MUC4: variants seen among roughly 807,000 people sequenced by gnomAD.
MUC4 encodes the protein mucin 4, cell surface associated, also known as mucin-4.
In MUC4, 202 loss-of-function variants were observed where a neutral mutation model predicts 257.9. The observed-to-expected ratio is 0.78, with a 90% confidence interval of 0.70 to 0.88. MUC4 has a LOEUF of 0.88. Ranked by LOEUF, MUC4 falls within the 40% of genes least tolerant of loss-of-function variation. The pLI is 0.00. For missense variants in MUC4, 5,976 were observed against 6,513.7 expected, an observed-to-expected ratio of 0.92 and a Z score of 2.84; for synonymous variants, 2,351 against 2,757.1, an observed-to-expected ratio of 0.85 and a Z score of 4.62.
At position 195,783,222 on chromosome 3, in the gene MUC4, A is replaced by G. The variant is rs1560340791; in HGVS notation, c.8358T>C (p.His2786=). 7.3e-7 allele frequency: 1 copy of G among 1,378,006 alleles called. No individual in the cohort carries two copies. The highest frequency in any genetic ancestry group is 1.6e-5 in the African/African-American group (1 of 64,212). The allele number at this position is 1,378,006 out of a possible 1,614,324, so 85.4% of individuals were successfully genotyped here. Residue 2786 remains histidine (H), a synonymous_variant, in exon 2 of 25, where the codon CAT becomes CAC. Transcript: ENST00000463781. ...SVSTGHATPL[H]VTSPSSASTG... Reference sequence around the variant, plus strand: ...TGGATGCTGAGGAAGGGCTGGTGACATGAAGAGGGGTGGCGTGACCTGTGG... The same window carrying G: ...TGGATGCTGAGGAAGGGCTGGTGACGTGAAGAGGGGTGGCGTGACCTGTGG...
intron 1 of MUC4, among the ~76,000 whole-genome samples, chr3:195,800,549 C>T (rs548409564): frequency 4.6e-4 from 70 of 152,220 alleles, no homozygotes; most frequent in South Asian, 1.2e-3. Context: ...TTGTCTTTCA[C>T]CATCATTTAA....
At position 195,755,996 on chromosome 3, in the gene MUC4, C is replaced by A. The variant is rs759427631; in HGVS notation, c.15168+1151G>T. ...ATAAAAAAGCAGATAGGACAAGAGTCGTGGAATTAGGCCAAGTATCTTGGC... is the reference window on the plus strand; with the variant it reads ...ATAAAAAAGCAGATAGGACAAGAGTAGTGGAATTAGGCCAAGTATCTTGGC... On this transcript the variant is annotated intron_variant, in intron 18 of 24. Transcript: ENST00000463781. This position sits in a 1 kb window ranked among gnomAD's most constrained non-coding sequence, Gnocchi z 5.0. Among the ~76,000 whole-genome samples, 5 of 152,104 alleles carry A rather than the reference C, an allele frequency of 3.3e-5. No individual in the cohort carries two copies. The highest frequency in any genetic ancestry group is 5.9e-5 in the Non-Finnish European group (4 of 68,030).
intron 3 of MUC4, among the ~76,000 whole-genome samples, chr3:195,774,607 A>C (rs904295345): frequency 2.0e-5 from 3 of 152,194 alleles, no homozygotes; most frequent in Admixed American, 1.3e-4. Context: ...CAGGGTTAAA[A>C]GACAAAAGTC....
intron 16 of MUC4, 70 bp downstream of exon 16, chr3:195,760,814 G>C: frequency 7.8e-7 from 1 of 1,274,822 alleles, no homozygotes; most frequent in Non-Finnish European, 1.1e-6. Context: ...GGAAAAGCAG[G>C]GTCAGGCAAG....
intron 16 of MUC4, 87 bp from the exon 17 acceptor site, chr3:195,759,348 T>A: frequency 6.5e-7 from 1 of 1,526,762 alleles, no homozygotes; most frequent in Non-Finnish European, 8.9e-7. Flanking sequence ...CTAATATGTG[T>A]GAGGCATTCC....
rs201826718 is a variant in MUC4, at chr3:195,780,980, C to A, written c.10600G>T (p.Ala3534Ser). ...TDTSSVSTGH[A>S]TPLPVTSLSS... ...AGGCTGGTGACAGGAAGAGGCGTGGCGTGACCGGTGGATACTGAGGAAGTG... is the reference window on the plus strand; with the variant it reads ...AGGCTGGTGACAGGAAGAGGCGTGGAGTGACCGGTGGATACTGAGGAAGTG... The change falls in exon 2 of 25, where the codon GCC becomes TCC. Residue 3534 changes from alanine to serine, a missense_variant. By Grantham distance (99) the Ala-to-Ser change is moderately conservative. Around this residue, in one of 44 missense-constraint regions of MUC4, gnomAD observed 297 missense variants for 240.9 expected, o/e 1.23. Transcript: ENST00000463781. The A allele has an allele frequency of 5.1e-5, 75 of 1,465,116 alleles. 10 individuals are homozygous for A. In the African/African-American group the frequency reaches 1.2e-3, roughly 23 times the overall value. The allele number at this position is 1,465,116 out of a possible 1,614,324, so 90.8% of individuals were successfully genotyped here.
intron 1 of MUC4, among the ~76,000 whole-genome samples, chr3:195,808,071 G>A (rs1022448645): frequency 6.6e-6 from 1 of 152,208 alleles, no homozygotes; most frequent in Non-Finnish European, 1.5e-5. Flanking sequence ...GCCAGCCCTT[G>A]CAAACCCACA....
rs1722595283 is a variant in MUC4 at position 195,770,651 on chromosome 3, A to T, written c.13243-280T>A. ...CATCTTAGCTCAAACTGGCCCAGAG[A>T]GCAGAGCCACTCGGGCCCACTTTTA... On this transcript the variant is annotated intron_variant, in intron 5 of 24. Coordinates refer to ENST00000463781, the MANE Select transcript of MUC4 (RefSeq NM_018406.7). 7.6e-6 allele frequency: 4 copies of T among 526,214 alleles called. No homozygotes were observed. The East Asian group carries it at 1.0e-4, about 13-fold the overall frequency. 32.6% of individuals were successfully genotyped at this position (526,214 alleles called of 1,614,324 possible).
At chr3:195,760,257 T>C (rs548313855) in intron 16 of MUC4, among the ~76,000 whole-genome samples, 1 of 152,276 alleles carries the variant, frequency 6.6e-6, no homozygotes, top group South Asian at 2.1e-4. Flanking sequence ...GAATGTGACA[T>C]TTTAGACAGG....
intron 6 of MUC4, 129 bp downstream of exon 6, chr3:195,770,087 G>C (rs1347118885): frequency 2.0e-6 from 2 of 989,646 alleles, no homozygotes; most frequent in Non-Finnish European, 2.8e-6. Flanking sequence ...GGGTGGCGGT[G>C]GGGGGGCTTG....
intron 24 of MUC4, 49 bp downstream of exon 24, chr3:195,748,853 T>C (rs1352826586): frequency 6.7e-7 from 1 of 1,496,010 alleles, no homozygotes; most frequent in Non-Finnish European, 8.9e-7. Context: ...CTTGCCCAGC[T>C]TGGGTTCCCC....
chr3:195,753,642 A>C (rs182167501), intron 19 of MUC4: 943 of 252,862 alleles, frequency 3.7e-3, no homozygotes, highest in Non-Finnish European at 5.4e-3. Context: ...TGGGTGCCTT[A>C]GGGGGCTTGG....
intron 1 of MUC4, among the ~76,000 whole-genome samples, chr3:195,793,464 T>G (rs984122893): frequency 1.3e-5 from 2 of 151,836 alleles, no homozygotes; most frequent in Admixed American, 1.3e-4. Context: ...ATCATGCCAC[T>G]TCACTGCAGC....
At chr3:195,793,943 A>T (rs1029737825) in intron 1 of MUC4, among the ~76,000 whole-genome samples, 29 of 152,016 alleles carry the variant, frequency 1.9e-4, no homozygotes, top group African/African-American at 6.5e-4. Context: ...TTTAAAAAAA[A>T]ATTATTTCCC....
At position 195,786,953 on chromosome 3, in the gene MUC4, A is replaced by G; in HGVS notation, c.4627T>C (p.Ser1543Pro). Reference protein sequence around the residue: ...DTMPLPVTSPSSASTGDTTPL... With the variant: ...DTMPLPVTSPPSASTGDTTPL... ...GTGGTGTCACCTGTGGATGCTGAGG[A>G]AGGGCTAGTGACAGGAAGAGGCATG... Residue 1543 changes from serine (S) to proline (P), a missense_variant, in exon 2 of 25, where the codon TCC becomes CCC. By Grantham distance (74) the Ser-to-Pro change is moderately conservative. Coordinates refer to ENST00000463781, the MANE Select transcript of MUC4 (RefSeq NM_018406.7). 1.1e-6 allele frequency: 1 copy of G among 942,898 alleles called. No homozygotes were observed. Among genetic ancestry groups the G allele is most frequent in the East Asian group, 7.5e-5 (1 of 13,402 alleles). 58.4% of individuals were successfully genotyped at this position (942,898 alleles called of 1,614,324 possible).
Position 195,810,145 on chromosome 3 carries a change from G to C in MUC4, c.82+1591C>G, listed in dbSNP as rs1319985571. The C allele has an allele frequency of 6.6e-6, 1 of 152,402 alleles. No individual in the cohort carries two copies. Among genetic ancestry groups the C allele is most frequent in the Non-Finnish European group, 1.5e-5 (1 of 68,180 alleles). 9.4% of individuals were successfully genotyped at this position (152,402 alleles called of 1,614,324 possible). On this transcript the variant is annotated intron_variant, in intron 1 of 24. Transcript: ENST00000463781. The surrounding 1 kb of genome is among the most constrained non-coding windows in gnomAD (Gnocchi z 4.2). ...GGGTGCTGGAGGGTGGGGAGGTGTA[G>C]GGAGGTGGTGGCAGTTTCCTTTGCC...
chr3:195,761,614 C>T (rs772368644), intron 14 of MUC4, 29 bp from the exon 15 acceptor site: 53 of 1,554,566 alleles, frequency 3.4e-5, no homozygotes, highest in Middle Eastern at 1.7e-4. Flanking sequence ...GGTTGGCCAC[C>T]CTGGGCACGC....
chr3:195,802,645 C>T (rs1735494012), intron 1 of MUC4, among the ~76,000 whole-genome samples: 1 of 152,084 alleles, frequency 6.6e-6, no homozygotes, highest in Admixed American at 6.6e-5. Flanking sequence ...ACACGGATGT[C>T]AGAAACCAGA....
At chr3:195,793,945 T>C (rs555654135) in intron 1 of MUC4, among the ~76,000 whole-genome samples, 2 of 151,858 alleles carry the variant, frequency 1.3e-5, no homozygotes, top group Non-Finnish European at 2.9e-5. Context: ...TAAAAAAAAA[T>C]TATTTCCCAG....
Sources: allele counts gnomAD v4.1 joint callset (sites outside exome capture counted in the v4.1 genomes callset), GRCh38; gene constraint gnomAD v4.1.1; regional missense constraint gnomAD v4.1.1; non-coding constraint Gnocchi (gnomAD v3.1); transcripts MANE v1.5; gene names NCBI Gene and HGNC (gene_info 2026-07-23, HGNC 2026-07-21).